GRIK5: variants seen among roughly 807,000 people sequenced by gnomAD.
GRIK5 encodes the protein glutamate receptor ionotropic, kainate 5.
GRIK5 carries 43 observed loss-of-function variants against 97.4 expected under a neutral mutation model. The ratio of observed to expected loss-of-function variants is 0.44; its 90% CI spans 0.35 to 0.57. The LOEUF is 0.57. GRIK5 is among the 20% of genes least tolerant of loss of function. GRIK5 has a pLI of 0.01. For synonymous variants in GRIK5, 580 were observed against 583.5 expected, an observed-to-expected ratio of 0.99 and a Z score of 0.09; for missense variants, 1,015 against 1,382.0, an observed-to-expected ratio of 0.73 and a Z score of 4.21.
intron 15 of GRIK5, among the ~76,000 whole-genome samples, chr19:42,009,752 A>C (rs2075538314): frequency 8.0e-6 from 1 of 125,688 alleles, no homozygotes; most frequent in South Asian, 2.7e-4. Flanking sequence ...TGGGCAACAG[A>C]GTAAGACTTT....
In GRIK5 at chr19:42,023,733, C is replaced by T. The variant is rs543556762; in HGVS notation, c.1474-1379G>A. ...CAGGGGCTCTGCTCCCGAAACACTC[C>T]TCAGATCTGTCCATTTCTCTACAAC... On this transcript the variant is annotated intron_variant, in intron 12 of 19. Coordinates refer to ENST00000593562, the MANE Select transcript of GRIK5 (RefSeq NM_002088.5). 1.2e-4 allele frequency among the ~76,000 whole-genome samples: 19 copies of T among 152,360 alleles called. No individual in the cohort carries two copies. In the South Asian group the frequency reaches 2.5e-3, roughly 20 times the overall value.
intron 12 of GRIK5, among the ~76,000 whole-genome samples, chr19:42,025,533 C>T (rs1411509454): frequency 6.6e-6 from 1 of 152,162 alleles, no homozygotes; most frequent in East Asian, 1.9e-4. Flanking sequence ...CTCTCCCTGA[C>T]ACTGCTCCAC....
chr19:42,034,230 G>A (rs1193454757), intron 12 of GRIK5, among the ~76,000 whole-genome samples: 1 of 152,092 alleles, frequency 6.6e-6, no homozygotes, highest in Non-Finnish European at 1.5e-5. Context: ...GCGTGATGGA[G>A]CGTGCCTGTA....
rs1231467332 is a variant in GRIK5 at position 42,065,997 on chromosome 19, G to T, written c.-50-177C>A. Among the ~76,000 whole-genome samples the T allele has an allele frequency of 1.3e-5, 2 of 152,150 alleles. No individual in the cohort carries two copies. Among genetic ancestry groups the T allele is most frequent in the African/African-American group, 2.4e-5 (1 of 41,422 alleles). On this transcript the variant is annotated intron_variant, in intron 1 of 19. Transcript: ENST00000593562. This position sits in a 1 kb window ranked among gnomAD's most constrained non-coding sequence, Gnocchi z 5.8. ...GGCAATACTGAGGGCATTGCAAGAAGGGAAGCTCAGCTCAGAGGGGCACTA... is the reference window on the plus strand; with the variant it reads ...GGCAATACTGAGGGCATTGCAAGAATGGAAGCTCAGCTCAGAGGGGCACTA...
At chr19:42,068,111 C>T (rs928057662) in intron 1 of GRIK5, among the ~76,000 whole-genome samples, 1 of 152,026 alleles carries the variant, frequency 6.6e-6, no homozygotes, top group African/African-American at 2.4e-5. Flanking sequence ...TATGTCGGAG[C>T]TGCACGACAG....
rs2075498788 is a variant in GRIK5 at position 42,006,903 on chromosome 19, T to C, written c.1872-93A>G. The C allele has an allele frequency of 1.1e-6, 1 of 884,566 alleles. No individual in the cohort carries two copies. The highest frequency in any genetic ancestry group is 1.7e-6 in the Non-Finnish European group (1 of 592,008). 54.8% of individuals were successfully genotyped at this position (884,566 alleles called of 1,614,324 possible). ...CCCCATTGGTGGTGCCCCTCCCAAG[T>C]GACCCCAGCATCTGGAAGACTCAGT... On this transcript the variant is annotated intron_variant, in intron 15 of 19. Transcript: ENST00000593562. The surrounding 1 kb of genome is among the most constrained non-coding windows in gnomAD (Gnocchi z 5.3).
At chr19:42,013,114 G>A (rs1176739901) in intron 15 of GRIK5, among the ~76,000 whole-genome samples, 1 of 151,776 alleles carries the variant, frequency 6.6e-6, no homozygotes, top group African/African-American at 2.4e-5. Context: ...GGCACTTTGG[G>A]AGGCTGAGGC....
intron 12 of GRIK5, among the ~76,000 whole-genome samples, chr19:42,034,286 G>T (rs2075875195): frequency 6.6e-6 from 1 of 152,008 alleles, no homozygotes; most frequent in Non-Finnish European, 1.5e-5. Flanking sequence ...GCTTGAGCCT[G>T]GGAGGTTGAG....
rs574944429 is a variant in GRIK5 at position 42,050,011 on chromosome 19, C to A, written c.1269+3591G>T. Among the ~76,000 whole-genome samples the A allele has an allele frequency of 2.0e-5, 3 of 152,222 alleles. No individual in the cohort carries two copies. The South Asian group carries it at 6.2e-4, about 32-fold the overall frequency. ...GTGGTATGATCTGGGCTCACTGCAGCCTCAACCTCCTGAGTTCAAGTAATC... is the reference window on the plus strand; with the variant it reads ...GTGGTATGATCTGGGCTCACTGCAGACTCAACCTCCTGAGTTCAAGTAATC... On this transcript the variant is annotated intron_variant, in intron 11 of 19. Transcript: ENST00000593562.
rs1555871517 is a variant in GRIK5, at chr19:42,003,355, G to A, written c.2491C>T (p.Arg831Trp). 16 of 1,544,978 alleles carry A rather than the reference G, an allele frequency of 1.0e-5. No individual in the cohort carries two copies. The highest frequency in any genetic ancestry group is 1.4e-5 in the African/African-American group (1 of 72,768). Reference protein sequence around the residue: ...VAVMEFIWSTRRSAESEEVSV... With the variant: ...VAVMEFIWSTWRSAESEEVSV... ...ACCTCCTCGGACTCAGCTGACCTCC[G>A]TGTGGACCATATGAATTCCATGACC... The change falls in exon 19 of 20, where the codon CGG becomes TGG. Residue 831 changes from arginine (R) to tryptophan (W), a missense_variant. Physicochemically the swap from Arg to Trp is moderately radical, Grantham distance 101. Around this residue, in one of 5 missense-constraint regions of GRIK5, gnomAD observed 229 missense variants for 341.0 expected, o/e 0.67. Coordinates refer to ENST00000593562, the MANE Select transcript of GRIK5 (RefSeq NM_002088.5). The surrounding 1 kb of genome is among the most constrained non-coding windows in gnomAD (Gnocchi z 4.2).
chr19:42,067,497 C>A (rs1414715509), intron 1 of GRIK5, among the ~76,000 whole-genome samples: 2 of 152,032 alleles, frequency 1.3e-5, no homozygotes, highest in East Asian at 3.9e-4. Flanking sequence ...TGCTGGGAGA[C>A]CCGGAGGAGC....
Position 42,005,938 on chromosome 19 carries a change from T to A in GRIK5, c.2048A>T (p.Tyr683Phe). 6.4e-7 allele frequency: 1 copy of A among 1,557,778 alleles called. No homozygotes were observed. The highest frequency in any genetic ancestry group is 1.1e-5 in the South Asian group (1 of 87,496). ...STMTFFQNSR[Y>F]QTYQRMWNYM... ...GTTCCACATGCGCTGGTACGTTTGG[T>A]ACCGTGAATTCTGGGCAGGAGGATC... is the stretch of plus-strand genomic sequence containing the variant. Residue 683 changes from tyrosine to phenylalanine, a missense_variant, in exon 17 of 20, where the codon TAC (tyrosine) becomes TTC (phenylalanine). Tyr to Phe is a conservative substitution (Grantham distance 22). Around this residue, in one of 5 missense-constraint regions of GRIK5, gnomAD observed 229 missense variants for 341.0 expected, o/e 0.67. Coordinates refer to ENST00000593562, the MANE Select transcript of GRIK5 (RefSeq NM_002088.5).
At chr19:42,017,573 C>T (rs2075639702) in intron 15 of GRIK5, among the ~76,000 whole-genome samples, 1 of 152,114 alleles carries the variant, frequency 6.6e-6, no homozygotes, top group African/African-American at 2.4e-5. Context: ...GTGGCAAAGG[C>T]AAAAGGAACC....
chr19:42,065,136 G>T lies in GRIK5; in HGVS notation c.244+87C>A. 8.4e-7 allele frequency: 1 copy of T among 1,189,262 alleles called. No homozygotes were observed. Among genetic ancestry groups the T allele is most frequent in the Non-Finnish European group, 1.2e-6 (1 of 836,922 alleles). The allele number at this position is 1,189,262 out of a possible 1,614,324, so 73.7% of individuals were successfully genotyped here. On this transcript the variant is annotated intron_variant, in intron 3 of 19. Coordinates refer to ENST00000593562, the MANE Select transcript of GRIK5 (RefSeq NM_002088.5). This position sits in a 1 kb window ranked among gnomAD's most constrained non-coding sequence, Gnocchi z 5.8. ...GGAGGATGGAGCTAGAAGAGGACAA[G>T]GCCAGGCCAGAGGCCAGGGGCAGAG...
intron 12 of GRIK5, among the ~76,000 whole-genome samples, chr19:42,025,747 T>A (rs2075763909): frequency 6.6e-6 from 1 of 152,100 alleles, no homozygotes; most frequent in South Asian, 2.1e-4. Context: ...GGTCTCTGCC[T>A]CCCAGGACAC....
At chr19:42,035,061 C>T (rs539396560) in intron 12 of GRIK5, among the ~76,000 whole-genome samples, 1 of 152,304 alleles carries the variant, frequency 6.6e-6, no homozygotes, top group East Asian at 1.9e-4. Context: ...TCACCACAAC[C>T]TCTGCCTCCC....
intron 15 of GRIK5, among the ~76,000 whole-genome samples, chr19:42,019,055 G>T (rs2075665835): frequency 6.6e-6 from 1 of 152,182 alleles, no homozygotes; most frequent in South Asian, 2.1e-4. Flanking sequence ...ATGAGTGGGG[G>T]CTGTCTGGGT....
intron 17 of GRIK5, among the ~76,000 whole-genome samples, chr19:42,004,450 G>A (rs771526527): frequency 3.4e-4 from 52 of 152,064 alleles, no homozygotes; most frequent in Non-Finnish European, 6.8e-4. Context: ...CCAGAGACAC[G>A]GGCAGATGAA....
At chr19:42,050,908 G>A (rs368728716) in intron 11 of GRIK5, among the ~76,000 whole-genome samples, 5 of 152,062 alleles carry the variant, frequency 3.3e-5, no homozygotes, top group African/African-American at 7.2e-5. Context: ...GCTCTCACAC[G>A]TACCTTGGGC....
Sources: allele counts gnomAD v4.1 joint callset (sites outside exome capture counted in the v4.1 genomes callset), GRCh38; gene constraint gnomAD v4.1.1; regional missense constraint gnomAD v4.1.1; non-coding constraint Gnocchi (gnomAD v3.1); transcripts MANE v1.5; gene names NCBI Gene and HGNC (gene_info 2026-07-23, HGNC 2026-07-21).